Variants in ATP7A observed in about 807,000 individuals in gnomAD.
The protein encoded by ATP7A is copper-transporting ATPase 1.
ATP7A carries 7 observed loss-of-function variants against 83.5 expected under a neutral mutation model. The observed-to-expected ratio is 0.08, with a 90% confidence interval of 0.05 to 0.16. The LOEUF (loss-of-function observed/expected upper bound fraction) is 0.16. ATP7A is among the 10% of genes least tolerant of loss of function. The pLI is 1.00. For missense variants in ATP7A, 940 were observed against 1,120.8 expected (o/e 0.84, Z 2.30); for synonymous variants, 354 against 395.2 (o/e 0.90, Z 1.24).
At chrX:77,949,382 C>G (rs1195382222) in intron 1 of ATP7A, among the ~76,000 whole-genome samples, 3 of 111,556 alleles carry the variant, frequency 2.7e-5, no homozygotes, top group Non-Finnish European at 5.6e-5. Flanking sequence ...TATTATTACC[C>G]CCCAATCTCT....
At chrX:77,931,508 C>A (rs1210100309) in intron 1 of ATP7A, among the ~76,000 whole-genome samples, 1 of 112,090 alleles carries the variant, frequency 8.9e-6, no homozygotes, top group African/African-American at 3.2e-5. Flanking sequence ...CATCCCGGCC[C>A]GTTCTCAATG....
chrX:78,036,603 G>A (rs1221929226), intron 17 of ATP7A, among the ~76,000 whole-genome samples: 2 of 111,555 alleles, frequency 1.8e-5, no homozygotes, highest in South Asian at 3.7e-4. Flanking sequence ...AAAGTAAACC[G>A]GGCGCGGTGA....
At chrX:77,917,717 G>T (rs1213728414) in intron 1 of ATP7A, among the ~76,000 whole-genome samples, 7 of 112,295 alleles carry the variant, frequency 6.2e-5, no homozygotes, top group Non-Finnish European at 1.3e-4. Flanking sequence ...ATGAGAAAGA[G>T]AAACTAAACT....
chrX:77,970,678 CA>C (rs1216066653), intron 1 of ATP7A, among the ~76,000 whole-genome samples: 2 of 110,967 alleles, frequency 1.8e-5, no homozygotes, highest in African/African-American at 6.6e-5. Flanking sequence ...AAAACAAAAA[CA>C]AAAACAAAAA....
At position 78,008,486 on chromosome X, in the gene ATP7A, A is replaced by T. The variant is rs1374982407; in HGVS notation, c.1708-616A>T. 6.3e-5 allele frequency among the ~76,000 whole-genome samples: 7 copies of T among 111,063 alleles called. No homozygotes were observed. The Admixed American group carries it at 6.8e-4, about 11-fold the overall frequency. ...AACACTTTTGCCATCCATTAATTTC[A>T]CTGAAAGCTATACTAGTGATTATAT... On this transcript the variant is annotated intron_variant, in intron 6 of 22. Transcript: ENST00000341514.
chrX:78,015,715 C>G (rs374374500), intron 11 of ATP7A, 39 bp from the exon 12 acceptor site: 18 of 1,207,060 alleles, frequency 1.5e-5, no homozygotes, highest in Non-Finnish European at 1.9e-5. Context: ...GGGTAGGAAG[C>G]ATATTATCAT....
At chrX:77,931,011 T>TA (rs1318345192) in intron 1 of ATP7A, among the ~76,000 whole-genome samples, 2 of 100,250 alleles carry the variant, frequency 2.0e-5, no homozygotes, top group Non-Finnish European at 4.0e-5. Flanking sequence ...TTTTTTACCT[T>TA]TTTTTTTATT....
chrX:78,033,647 G>A lies in ATP7A; in HGVS notation c.3337G>A (p.Val1113Ile), dbSNP rs879254006. The A allele has an allele frequency of 8.3e-7, 1 of 1,209,893 alleles. No individual in the cohort carries two copies. Among genetic ancestry groups the A allele is most frequent in the Non-Finnish European group, 1.1e-6 (1 of 895,310 alleles). Residue 1113 changes from valine (V) to isoleucine (I), a missense_variant, in exon 17 of 23, where the codon GTT becomes ATT. Transcript: ENST00000341514. ...CTTGGGTACCTGCATAGATTTCCAGGTTGTGCCAGGCTGTGGTATTAGCTG... is the reference window on the plus strand; with the variant it reads ...CTTGGGTACCTGCATAGATTTCCAGATTGTGCCAGGCTGTGGTATTAGCTG... Reference protein sequence around the residue: ...ETLGTCIDFQVVPGCGISCKV... With the variant: ...ETLGTCIDFQIVPGCGISCKV...
At chrX:78,008,428 G>A (rs188132935) in intron 6 of ATP7A, among the ~76,000 whole-genome samples, 13 of 111,343 alleles carry the variant, frequency 1.2e-4, no homozygotes, top group Non-Finnish European at 3.8e-5. Context: ...TCAAGATATA[G>A]GGAAAGATAC....
chrX:77,999,060 G>A (rs782698664), intron 5 of ATP7A, among the ~76,000 whole-genome samples: 14 of 106,797 alleles, frequency 1.3e-4, no homozygotes, highest in Non-Finnish European at 2.3e-4. Flanking sequence ...GGAGTGGCGC[G>A]ATCTCGGCTC....
intron 1 of ATP7A, among the ~76,000 whole-genome samples, chrX:77,916,267 A>G (rs1387020712): frequency 1.3e-4 from 14 of 104,920 alleles, no homozygotes; most frequent in Non-Finnish European, 3.9e-5. Context: ...AAGTGGGGGA[A>G]TTGCTTGAGC....
At chrX:78,022,505 G>A (rs113493145) in intron 14 of ATP7A, among the ~76,000 whole-genome samples, 7,580 of 95,767 alleles carry the variant, frequency 0.079, 673 homozygotes, top group African/African-American at 0.24. Flanking sequence ...TTGTTTGTTT[G>A]TTTATTTATT....
In ATP7A at chrX:77,956,726, CCTTTCTT is replaced by C. The variant is rs1316237518; in HGVS notation, c.-21-14894_-21-14888del. On this transcript the variant is annotated intron_variant, in intron 1 of 22. Transcript: ENST00000341514. ...TTTTTCTTTATCAATTACCCAGTCT[CCTTTCTT>C]TCTTTCTTTCTTTCTTTCTTTCTTT... Among the ~76,000 whole-genome samples the C allele has an allele frequency of 6.8e-3, 499 of 73,773 alleles. 2 individuals are homozygous for C. The highest frequency in any genetic ancestry group is 0.015 in the African/African-American group (299 of 19,634). 64.1% of individuals were successfully genotyped at this position (73,773 alleles called of 115,157 possible).
At chrX:78,014,573 G>A (rs1363521218) in intron 10 of ATP7A, 89 bp from the exon 11 acceptor site, 3 of 661,584 alleles carry the variant, frequency 4.5e-6, no homozygotes, top group Non-Finnish European at 7.2e-6. Flanking sequence ...CTGTCTTTTG[G>A]GTAAATGCTA....
chrX:78,021,608 A>G (rs1282375016), intron 14 of ATP7A, among the ~76,000 whole-genome samples: 2 of 111,820 alleles, frequency 1.8e-5, no homozygotes, highest in East Asian at 2.8e-4. Context: ...GATGCTGTCT[A>G]TGGTGTTGTA....
At chrX:77,926,401 G>A (rs782167035) in intron 1 of ATP7A, among the ~76,000 whole-genome samples, 1 of 111,674 alleles carries the variant, frequency 9.0e-6, no homozygotes, top group Non-Finnish European at 1.9e-5. Context: ...GGCAATCTCA[G>A]CCCACTGCAA....
chrX:78,011,094 A>C, intron 7 of ATP7A, 82 bp from the exon 8 acceptor site: 2 of 897,680 alleles, frequency 2.2e-6, no homozygotes, highest in South Asian at 4.1e-5. Context: ...ACTGTTCTTA[A>C]TGACAATACC....
chrX:78,046,703 G>C lies in ATP7A; in HGVS notation c.*133G>C. ...ATATTAGGGATTCTATTTGAGTTGCGTTTATCTGTTGGCAAAAATATCTTT... is the reference window on the plus strand; with the variant it reads ...ATATTAGGGATTCTATTTGAGTTGCCTTTATCTGTTGGCAAAAATATCTTT... On this transcript the variant is annotated 3_prime_UTR_variant, in exon 23 of 23. Transcript: ENST00000341514. 1 of 886,055 alleles carries C rather than the reference G, an allele frequency of 1.1e-6. No homozygotes were observed. Among genetic ancestry groups the C allele is most frequent in the Non-Finnish European group, 1.6e-6 (1 of 620,622 alleles). The allele number at this position is 886,055 out of a possible 1,213,427, so 73.0% of individuals were successfully genotyped here.
At chrX:77,950,946 C>T (rs199502432) in intron 1 of ATP7A, among the ~76,000 whole-genome samples, 6 of 110,283 alleles carry the variant, frequency 5.4e-5, no homozygotes, top group East Asian at 5.6e-4. Context: ...CACTTGAACC[C>T]GAGAGGTGGA....
Sources: allele counts gnomAD v4.1 joint callset (sites outside exome capture counted in the v4.1 genomes callset), GRCh38; gene constraint gnomAD v4.1.1; transcripts MANE v1.5; gene names NCBI Gene and HGNC (gene_info 2026-07-23, HGNC 2026-07-21).